The following CELF4 variants were observed in gnomAD, a reference collection of about 807,000 sequenced individuals.
CELF4 encodes the protein CUGBP Elav-like family member 4.
Under a neutral mutation model 59.9 loss-of-function variants are expected in CELF4, and 18 were observed. That is an observed-to-expected ratio of 0.30 (90% CI 0.21 to 0.45). CELF4 has a LOEUF of 0.45. Ranked by LOEUF, CELF4 falls within the 20% of genes least tolerant of loss-of-function variation. The probability of loss-of-function intolerance (pLI) is 1.00; values close to 1 mark genes in which losing one functional copy is unlikely to be tolerated. For synonymous variants in CELF4, 261 were observed against 267.1 expected (o/e 0.98, Z 0.22); for missense variants, 456 against 689.0 (o/e 0.66, Z 3.79).
At chr18:37,301,466 C>A (rs2096030872) in intron 3 of CELF4, among the ~76,000 whole-genome samples, 1 of 152,188 alleles carries the variant, frequency 6.6e-6, no homozygotes, top group Non-Finnish European at 1.5e-5. Context: ...AGCCCTCCCC[C>A]AGCAGGACAG....
intron 6 of CELF4, 158 bp downstream of exon 6, chr18:37,274,153 A>C: frequency 6.8e-7 from 1 of 1,460,458 alleles, no homozygotes; most frequent in Admixed American, 2.6e-5. Context: ...ACCCTTCTGA[A>C]GTTAAACCCC....
At chr18:37,295,675 C>T (rs1168170465) in intron 3 of CELF4, among the ~76,000 whole-genome samples, 9 of 152,224 alleles carry the variant, frequency 5.9e-5, no homozygotes, top group Admixed American at 3.3e-4. Context: ...AGTTCACCTA[C>T]AATCAAACAG....
intron 2 of CELF4, among the ~76,000 whole-genome samples, chr18:37,385,700 A>G (rs961106658): frequency 2.0e-5 from 3 of 152,064 alleles, no homozygotes; most frequent in Non-Finnish European, 2.9e-5. Context: ...TGCTTTTTCT[A>G]TGATATTGTG....
At chr18:37,277,886 T>A (rs988448007) in intron 3 of CELF4, among the ~76,000 whole-genome samples, 1 of 152,074 alleles carries the variant, frequency 6.6e-6, no homozygotes, top group African/African-American at 2.4e-5. Flanking sequence ...TTCCACTTCC[T>A]CACTTGGACA....
In CELF4 at chr18:37,303,380, A is replaced by C. The variant is rs2096198794; in HGVS notation, c.448+18423T>G. On this transcript the variant is annotated intron_variant, in intron 3 of 12. Coordinates refer to ENST00000420428, the MANE Select transcript of CELF4 (RefSeq NM_020180.4). ...TTCACTTCCCCACAAAAAGGAAAACAGTCGTTGAAATTGAAAAATGGTGCT... is the reference window on the plus strand; with the variant it reads ...TTCACTTCCCCACAAAAAGGAAAACCGTCGTTGAAATTGAAAAATGGTGCT... Among the ~76,000 whole-genome samples, 5 of 152,284 alleles carry C rather than the reference A, an allele frequency of 3.3e-5. No individual in the cohort carries two copies. In the South Asian group the frequency reaches 1.0e-3, roughly 32 times the overall value.
chr18:37,305,043 G>A (rs995884618), intron 3 of CELF4, among the ~76,000 whole-genome samples: 6 of 152,210 alleles, frequency 3.9e-5, no homozygotes, highest in Non-Finnish European at 5.9e-5. Context: ...TGGCCACAGC[G>A]TGGAGGGGAA....
chr18:37,417,888 C>T (rs889902624), intron 2 of CELF4, among the ~76,000 whole-genome samples: 2 of 152,206 alleles, frequency 1.3e-5, no homozygotes, highest in African/African-American at 2.4e-5. Flanking sequence ...ATCACCTGCT[C>T]ATAATGAGTC....
intron 1 of CELF4, among the ~76,000 whole-genome samples, chr18:37,551,367 C>A (rs2099983127): frequency 6.6e-6 from 1 of 152,192 alleles, no homozygotes; most frequent in South Asian, 2.1e-4. Flanking sequence ...AGAAGTACGC[C>A]CATTCCACTG....
intron 1 of CELF4, among the ~76,000 whole-genome samples, chr18:37,525,735 CATT>C (rs1483228867): frequency 6.6e-6 from 1 of 151,970 alleles, no homozygotes; most frequent in African/African-American, 2.4e-5. Flanking sequence ...ATTGATCAGA[CATT>C]ATGCTGAAGG....
chr18:37,384,705 C>T (rs139314788), intron 2 of CELF4, among the ~76,000 whole-genome samples: 3 of 152,280 alleles, frequency 2.0e-5, no homozygotes, highest in East Asian at 3.9e-4. Flanking sequence ...GGGAACATCA[C>T]GGGTCACTTC....
rs143691175 is a variant in CELF4, at chr18:37,507,496, C to G, written c.287-21889G>C. On this transcript the variant is annotated intron_variant, in intron 1 of 12. Coordinates refer to ENST00000420428, the MANE Select transcript of CELF4 (RefSeq NM_020180.4). ...GATTGTCCTAAGGCCAGGTTCTGGT[C>G]TGTCACTTCCTTGCTTTGAAATCCT... is the stretch of plus-strand genomic sequence containing the variant. 2.3e-3 allele frequency among the ~76,000 whole-genome samples: 345 copies of G among 152,352 alleles called. 2 individuals are homozygous for G. The highest frequency in any genetic ancestry group is 7.0e-3 in the African/African-American group (290 of 41,584).
In CELF4 at chr18:37,244,033, A is replaced by G. The variant is rs1386314774; in HGVS notation, c.*1209T>C. On this transcript the variant is annotated 3_prime_UTR_variant, in exon 13 of 13. Coordinates refer to ENST00000420428, the MANE Select transcript of CELF4 (RefSeq NM_020180.4). ...GAGTTCGGCCTGGCCCTTGGGGACA[A>G]CGGCATCCGACTGCACTCGCGGGGA... 6.3e-6 allele frequency: 1 copy of G among 158,966 alleles called. No homozygotes were observed. The highest frequency in any genetic ancestry group is 2.4e-5 in the African/African-American group (1 of 41,572). 9.8% of individuals were successfully genotyped at this position (158,966 alleles called of 1,614,324 possible). A position where few individuals can be genotyped will look rare whatever the true frequency, so the allele number is the denominator to read the frequency against.
chr18:37,359,199 A>C (rs1280952668), intron 2 of CELF4, among the ~76,000 whole-genome samples: 3 of 152,208 alleles, frequency 2.0e-5, no homozygotes, highest in Admixed American at 2.0e-4. Flanking sequence ...GGAATAAGCA[A>C]AAGGCAGGTC....
intron 2 of CELF4, among the ~76,000 whole-genome samples, chr18:37,363,220 A>G (rs952641584): frequency 6.6e-6 from 1 of 152,114 alleles, no homozygotes; most frequent in African/African-American, 2.4e-5. Context: ...GGTGCTGAGT[A>G]GGCTTTCATG....
In CELF4 at chr18:37,272,572, G is replaced by GAAAAAAA. The variant is rs397692958; in HGVS notation, c.949+437_949+443dup. Among the ~76,000 whole-genome samples, 100 of 104,516 alleles carry GAAAAAAA rather than the reference G, an allele frequency of 9.6e-4. 1 individual carries two copies. Among genetic ancestry groups the GAAAAAAA allele is most frequent in the Non-Finnish European group, 1.3e-3 (69 of 52,592 alleles). The allele number at this position is 104,516 out of a possible 152,430, so 68.6% of individuals were successfully genotyped here. ...AGTCTAGATTGGGTTAAAGGGAAAT[G>GAAAAAAA]AAAAAAAAAAAAAAAAAAAAAAGAC... On this transcript the variant is annotated intron_variant, in intron 7 of 12. Transcript: ENST00000420428.
intron 2 of CELF4, among the ~76,000 whole-genome samples, chr18:37,356,828 C>T (rs2098595402): frequency 6.6e-6 from 1 of 152,220 alleles, no homozygotes; most frequent in African/African-American, 2.4e-5. Flanking sequence ...GATCTCTCTA[C>T]CGGCAGCCTG....
rs541583011 is a variant in CELF4, at chr18:37,317,653, T to A, written c.448+4150A>T. Among the ~76,000 whole-genome samples the A allele has an allele frequency of 8.9e-4, 136 of 152,264 alleles. 1 individual carries two copies. The highest frequency in any genetic ancestry group is 3.0e-3 in the African/African-American group (125 of 41,564). On this transcript the variant is annotated intron_variant, in intron 3 of 12. Coordinates refer to ENST00000420428, the MANE Select transcript of CELF4 (RefSeq NM_020180.4). The stretch of plus-strand genomic sequence containing the variant: ...CCAGCTCCACTTCCCTCTGTACTTG[T>A]ATCTCCACTCCAACCCCTCCAGAGG...
At chr18:37,441,970 C>T (rs572283399) in intron 2 of CELF4, among the ~76,000 whole-genome samples, 2 of 128,352 alleles carry the variant, frequency 1.6e-5, no homozygotes, top group Non-Finnish European at 3.4e-5. Context: ...TCACCCAAAC[C>T]GCAAAGAACC....
chr18:37,374,382 G>C (rs552918755), intron 2 of CELF4, among the ~76,000 whole-genome samples: 1 of 152,114 alleles, frequency 6.6e-6, no homozygotes, highest in Non-Finnish European at 1.5e-5. Context: ...TCTGACATCC[G>C]GCTCCGAACT....
Sources: allele counts gnomAD v4.1 joint callset (sites outside exome capture counted in the v4.1 genomes callset), GRCh38; gene constraint gnomAD v4.1.1; transcripts MANE v1.5; gene names NCBI Gene and HGNC (gene_info 2026-07-23, HGNC 2026-07-21).